Variants in CDK14 observed in about 807,000 individuals in gnomAD.
CDK14 encodes cyclin dependent kinase 14.
In CDK14, 34 loss-of-function variants were observed where a neutral mutation model predicts 60.7. That is an observed-to-expected ratio of 0.56 (90% CI 0.43 to 0.75). CDK14 has a LOEUF of 0.75. Among genes scored for constraint, CDK14 ranks in the 30% least tolerant of loss-of-function variants. The pLI is 0.00. For missense variants in CDK14, 482 were observed against 564.1 expected (o/e 0.85, Z 1.47); for synonymous variants, 197 against 203.7 (o/e 0.97, Z 0.28).
At chr7:91,168,239 C>T (rs777981767) in intron 14 of CDK14, among the ~76,000 whole-genome samples, 6 of 138,932 alleles carry the variant, frequency 4.3e-5, no homozygotes, top group African/African-American at 1.4e-4. Flanking sequence ...TCCAGCCTGG[C>T]GACAGTGTGA....
intron 4 of CDK14, among the ~76,000 whole-genome samples, chr7:90,771,980 A>G (rs777059379): frequency 3.4e-4 from 52 of 152,188 alleles, no homozygotes; most frequent in Non-Finnish European, 6.2e-4. Context: ...ATGTTTTGGA[A>G]CATTCCAATC....
intron 6 of CDK14, among the ~76,000 whole-genome samples, chr7:90,872,733 T>C (rs1034772719): frequency 2.6e-5 from 4 of 152,150 alleles, no homozygotes; most frequent in Non-Finnish European, 5.9e-5. Context: ...TAGATACTTA[T>C]AATCATGATT....
At chr7:91,068,285 T>C (rs1426354310) in intron 11 of CDK14, among the ~76,000 whole-genome samples, 2 of 152,226 alleles carry the variant, frequency 1.3e-5, no homozygotes, top group African/African-American at 4.8e-5. Context: ...TGTAGAACAA[T>C]GGATGTTTGT....
intron 10 of CDK14, among the ~76,000 whole-genome samples, chr7:90,990,663 A>G (rs1434871356): frequency 6.6e-6 from 1 of 152,184 alleles, no homozygotes; most frequent in East Asian, 1.9e-4. Flanking sequence ...AGTTCATGAT[A>G]AATTTATGGT....
chr7:90,651,237 C>T (rs951538615), intron 2 of CDK14, among the ~76,000 whole-genome samples: 43 of 152,166 alleles, frequency 2.8e-4, no homozygotes, highest in African/African-American at 9.7e-4. Flanking sequence ...TGGGAGTTCA[C>T]TCATGATTTG....
At chr7:90,923,424 A>G (rs1463870810) in intron 8 of CDK14, among the ~76,000 whole-genome samples, 2 of 152,146 alleles carry the variant, frequency 1.3e-5, no homozygotes, top group African/African-American at 2.4e-5. Context: ...TCTTTTTAAA[A>G]ACTCATATAG....
intron 2 of CDK14, among the ~76,000 whole-genome samples, chr7:90,605,525 G>A (rs774781029): frequency 2.0e-5 from 3 of 152,142 alleles, no homozygotes; most frequent in Non-Finnish European, 4.4e-5. Flanking sequence ...TGTTGTTATT[G>A]AGATATTTTT....
intron 9 of CDK14, among the ~76,000 whole-genome samples, chr7:90,974,056 C>G (rs570048216): frequency 2.0e-5 from 3 of 152,038 alleles, no homozygotes; most frequent in Non-Finnish European, 4.4e-5. Context: ...CGTCTATAGA[C>G]CTCCCCCCAG....
At chr7:90,902,764 T>C (rs138944679) in intron 7 of CDK14, among the ~76,000 whole-genome samples, 1 of 152,192 alleles carries the variant, frequency 6.6e-6, no homozygotes, top group Non-Finnish European at 1.5e-5. Context: ...ATTAAACTAA[T>C]AGGCTTCTGC....
At chr7:90,872,267 T>C (rs916469219) in intron 6 of CDK14, among the ~76,000 whole-genome samples, 1 of 152,218 alleles carries the variant, frequency 6.6e-6, no homozygotes, top group Non-Finnish European at 1.5e-5. Context: ...CATAGGCTTT[T>C]CTTTATGGAA....
chr7:90,656,160 T>G (rs2374334), intron 2 of CDK14, among the ~76,000 whole-genome samples: 1 of 152,044 alleles, frequency 6.6e-6, no homozygotes, highest in Admixed American at 6.5e-5. Context: ...CCTTTTCTTT[T>G]AGGGACTCCA....
chr7:90,941,621 T>C (rs1793935804), intron 8 of CDK14, among the ~76,000 whole-genome samples: 1 of 146,356 alleles, frequency 6.8e-6, no homozygotes, highest in Non-Finnish European at 1.5e-5. Flanking sequence ...GCTATTTTTT[T>C]TTTTTAATTT....
At chr7:90,689,906 A>G (rs984923469) in intron 2 of CDK14, among the ~76,000 whole-genome samples, 2 of 152,180 alleles carry the variant, frequency 1.3e-5, no homozygotes, top group African/African-American at 4.8e-5. Flanking sequence ...TCATTCTTTG[A>G]TGATATAACA....
chr7:90,826,954 G>A (rs1336130416), intron 5 of CDK14, among the ~76,000 whole-genome samples: 1 of 36,546 alleles, frequency 2.7e-5, no homozygotes, highest in East Asian at 1.5e-3. Flanking sequence ...GTTTTGACAA[G>A]TGCATGATGT....
chr7:90,717,820 G>A (rs1031176324), intron 2 of CDK14, among the ~76,000 whole-genome samples: 5 of 151,904 alleles, frequency 3.3e-5, no homozygotes, highest in Admixed American at 1.3e-4. Context: ...CCGGTCTTTT[G>A]TGCTTTGGGA....
chr7:90,732,892 T>C (rs1802927294), intron 3 of CDK14, among the ~76,000 whole-genome samples: 1 of 152,088 alleles, frequency 6.6e-6, no homozygotes, highest in Non-Finnish European at 1.5e-5. Context: ...CTTTTGAATG[T>C]ATTTGCTCTT....
chr7:90,625,543 A>G (rs184265423), intron 2 of CDK14, among the ~76,000 whole-genome samples: 1 of 152,316 alleles, frequency 6.6e-6, no homozygotes, highest in Admixed American at 6.5e-5. Flanking sequence ...TATACCTTGG[A>G]CATTCATTTT....
At chr7:91,156,015 C>T (rs1245950626) in intron 14 of CDK14, among the ~76,000 whole-genome samples, 1 of 152,058 alleles carries the variant, frequency 6.6e-6, no homozygotes, top group African/African-American at 2.4e-5. Flanking sequence ...AATTTCATTC[C>T]ACTTTGTACC....
intron 5 of CDK14, among the ~76,000 whole-genome samples, chr7:90,810,695 A>G (rs556466073): frequency 6.6e-6 from 1 of 152,236 alleles, no homozygotes; most frequent in East Asian, 1.9e-4. Context: ...TGCAGATGAC[A>G]TGATTGTATA....
Sources: gnomAD v4.1 joint callset for allele counts (sites outside exome capture counted in the v4.1 genomes callset) on GRCh38, gnomAD v4.1.1 for gene constraint, MANE v1.5 for transcripts, NCBI Gene and HGNC (gene_info 2026-07-23, HGNC 2026-07-21) for gene names.